Variants in GNG4 observed in about 807,000 individuals in gnomAD.
GNG4 encodes G protein subunit gamma 4.
In GNG4, 4 loss-of-function variants were observed where a neutral mutation model predicts 5.8. The ratio of observed to expected loss-of-function variants is 0.69; its 90% confidence interval spans 0.34 to 1.57. GNG4 has a LOEUF of 1.57. GNG4 is among the 40% of genes most tolerant of loss of function. The probability of loss-of-function intolerance (pLI) is 0.06; values close to 1 mark genes in which losing one functional copy is unlikely to be tolerated. For synonymous variants in GNG4, 29 were observed against 32.9 expected, an observed-to-expected ratio of 0.88 and a Z score of 0.41; for missense variants, 96 against 95.1, an observed-to-expected ratio of 1.01 and a Z score of -0.04.
At chr1:235,627,549 G>A (rs113608365) in intron 1 of GNG4, among the ~76,000 whole-genome samples, 2 of 152,242 alleles carry the variant, frequency 1.3e-5, no homozygotes, top group African/African-American at 4.8e-5. Flanking sequence ...ATGAGATCAT[G>A]TGAGTGAAGG....
chr1:235,587,584 TGA>T (rs1558486274), intron 2 of GNG4, among the ~76,000 whole-genome samples: 57 of 802 alleles, frequency 0.071, 1 homozygote, highest in Non-Finnish European at 0.1. Flanking sequence ...GGGGTGGCGG[TGA>T]GTGTGAGTGT....
At chr1:235,619,186 T>C (rs1310606148) in intron 1 of GNG4, among the ~76,000 whole-genome samples, 5 of 78,556 alleles carry the variant, frequency 6.4e-5, no homozygotes, top group Non-Finnish European at 1.1e-4. Flanking sequence ...TACACACACA[T>C]ATATATACAC....
chr1:235,574,311 C>A (rs1322667280), intron 3 of GNG4, among the ~76,000 whole-genome samples: 3 of 152,158 alleles, frequency 2.0e-5, no homozygotes, highest in African/African-American at 7.2e-5. Context: ...GCAGAGATTG[C>A]AGTGAGCCAA....
intron 2 of GNG4, among the ~76,000 whole-genome samples, chr1:235,587,867 TGA>T (rs1303966073): frequency 1.3e-5 from 2 of 149,514 alleles, no homozygotes; most frequent in East Asian, 2.0e-4. Context: ...ATGGAGTGTG[TGA>T]GAGGGTGTGG....
intron 2 of GNG4, among the ~76,000 whole-genome samples, chr1:235,592,816 A>G (rs1012526169): frequency 1.3e-5 from 2 of 152,182 alleles, no homozygotes. Flanking sequence ...TCAGGATTTG[A>G]GCATGAGCCG....
At chr1:235,637,945 G>A (rs946152201) in intron 1 of GNG4, among the ~76,000 whole-genome samples, 1 of 152,208 alleles carries the variant, frequency 6.6e-6, no homozygotes, top group African/African-American at 2.4e-5. Context: ...ACAGACTTGA[G>A]GAGACCACCG....
intron 3 of GNG4, among the ~76,000 whole-genome samples, chr1:235,558,540 T>G (rs1243597314): frequency 6.6e-6 from 1 of 152,194 alleles, no homozygotes; most frequent in Admixed American, 6.5e-5. Context: ...GTCTGCTCCT[T>G]CCGCTGAGAG....
intron 1 of GNG4, among the ~76,000 whole-genome samples, chr1:235,609,944 G>A (rs1033934039): frequency 6.6e-6 from 1 of 152,134 alleles, no homozygotes; most frequent in African/African-American, 2.4e-5. Context: ...CTGCCTGTCA[G>A]CCCTGAATAC....
intron 2 of GNG4, among the ~76,000 whole-genome samples, chr1:235,585,207 T>TTTTCCTTTCC (rs142815662): frequency 6.0e-5 from 9 of 150,988 alleles, no homozygotes; most frequent in Middle Eastern, 3.4e-3. Context: ...TTCTTTTTCC[T>TTTTCCTTTCC]TTTCCTTTCC....
chr1:235,622,654 T>G (rs1688734151), intron 1 of GNG4, among the ~76,000 whole-genome samples: 1 of 151,512 alleles, frequency 6.6e-6, no homozygotes, highest in Non-Finnish European at 1.5e-5. Context: ...AGGTCAGCAG[T>G]TCGATCACCT....
chr1:235,614,494 G>C (rs1688546288), intron 1 of GNG4, among the ~76,000 whole-genome samples: 1 of 152,156 alleles, frequency 6.6e-6, no homozygotes. Flanking sequence ...AGTGATTAGA[G>C]AGACCTTCCT....
At chr1:235,646,352 T>G (rs191583241) in intron 1 of GNG4, among the ~76,000 whole-genome samples, 51 of 152,288 alleles carry the variant, frequency 3.3e-4, no homozygotes, top group African/African-American at 1.2e-3. Flanking sequence ...TTAAAAAAGG[T>G]TCCCACCACC....
At chr1:235,618,004 A>G (rs1688633261) in intron 1 of GNG4, among the ~76,000 whole-genome samples, 1 of 152,196 alleles carries the variant, frequency 6.6e-6, no homozygotes, top group South Asian at 2.1e-4. Context: ...GGCAGACTGC[A>G]CAAACTATCC....
intron 1 of GNG4, among the ~76,000 whole-genome samples, chr1:235,612,721 C>T (rs962243534): frequency 1.3e-5 from 2 of 152,118 alleles, no homozygotes; most frequent in African/African-American, 4.8e-5. Flanking sequence ...TGGGGTTTCG[C>T]TATGTTACCC....
At chr1:235,599,745 C>G (rs1203699632) in intron 1 of GNG4, among the ~76,000 whole-genome samples, 1 of 152,220 alleles carries the variant, frequency 6.6e-6, no homozygotes, top group Non-Finnish European at 1.5e-5. Context: ...ACACGTGGGT[C>G]AGTCATAACA....
chr1:235,630,360 T>G (rs1439031671), intron 1 of GNG4, among the ~76,000 whole-genome samples: 1 of 152,194 alleles, frequency 6.6e-6, no homozygotes, highest in Non-Finnish European at 1.5e-5. Context: ...CGTAAGTACT[T>G]GAATGTTTGC....
intron 3 of GNG4, among the ~76,000 whole-genome samples, chr1:235,560,189 T>C (rs1250461968): frequency 2.6e-5 from 4 of 152,224 alleles, no homozygotes; most frequent in Non-Finnish European, 5.9e-5. Context: ...TGTGGCTAAA[T>C]GGATGCCATC....
chr1:235,597,628 G>GTGTGTGTGTGTGTA (rs772061855), intron 1 of GNG4, among the ~76,000 whole-genome samples: 5 of 72,454 alleles, frequency 6.9e-5, no homozygotes, highest in Non-Finnish European at 1.2e-4. Flanking sequence ...GTGTGTGTGT[G>GTGTGTGTGTGTGTA]TATTTTTTTT....
chr1:235,635,666 G>A (rs888433966), intron 1 of GNG4, among the ~76,000 whole-genome samples: 2 of 65,050 alleles, frequency 3.1e-5, no homozygotes, highest in Admixed American at 3.0e-4. Flanking sequence ...ATCAATCACT[G>A]AGCCTCAAGT....
Sources: gnomAD v4.1 joint callset for allele counts (sites outside exome capture counted in the v4.1 genomes callset) on GRCh38, gnomAD v4.1.1 for gene constraint, MANE v1.5 for transcripts, NCBI Gene and HGNC (gene_info 2026-07-23, HGNC 2026-07-21) for gene names.